Variants in CADM2 observed in about 807,000 individuals in gnomAD.
The protein encoded by CADM2 is immunoglobulin superfamily member 4D.
A neutral mutation model predicts 49.8 loss-of-function variants in CADM2; 12 were observed. The observed-to-expected ratio is 0.24, with a 90% confidence interval of 0.15 to 0.39. The LOEUF (loss-of-function observed/expected upper bound fraction) is 0.39. Among genes scored for constraint, CADM2 ranks in the 10% least tolerant of loss-of-function variants. The pLI is 1.00. For missense variants in CADM2, 378 were observed against 492.3 expected, an observed-to-expected ratio of 0.77 and a Z score of 2.20; for synonymous variants, 214 against 175.4, an observed-to-expected ratio of 1.22 and a Z score of -1.74.
chr3:85,611,321 CA>C (rs1213613059), intron 1 of CADM2, among the ~76,000 whole-genome samples: 3 of 151,526 alleles, frequency 2.0e-5, no homozygotes, highest in Non-Finnish European at 2.9e-5. Context: ...AATATGCCTC[CA>C]TTAATGGTAA....
intron 1 of CADM2, among the ~76,000 whole-genome samples, chr3:85,092,616 G>A (rs2037638799): frequency 6.6e-6 from 1 of 152,094 alleles, no homozygotes; most frequent in Non-Finnish European, 1.5e-5. Context: ...AATCAGTTTA[G>A]CCTCATCAGT....
intron 3 of CADM2, among the ~76,000 whole-genome samples, chr3:85,834,255 G>A (rs1204785971): frequency 6.6e-6 from 1 of 151,554 alleles, no homozygotes; most frequent in South Asian, 2.1e-4. Flanking sequence ...TATTCATAGT[G>A]TTATGTTACC....
At chr3:85,809,448 G>T (rs1293600016) in intron 3 of CADM2, among the ~76,000 whole-genome samples, 19 of 151,842 alleles carry the variant, frequency 1.3e-4, no homozygotes, top group Non-Finnish European at 2.9e-5. Flanking sequence ...AAAATTAGCT[G>T]GGTGTGGTGG....
Position 85,044,622 on chromosome 3 carries a change from T to C in CADM2, c.61+84954T>C, listed in dbSNP as rs568867633. ...GCCAAGTCTTTTCTGGGCTAAGATA[T>C]TGTACAATGTTTTTACCTTTTAGGA... On this transcript the variant is annotated intron_variant, in intron 1 of 9. Transcript: ENST00000383699. Among the ~76,000 whole-genome samples, 6 of 152,280 alleles carry C rather than the reference T, an allele frequency of 3.9e-5. No individual in the cohort carries two copies. In the South Asian group the frequency reaches 1.2e-3, roughly 32 times the overall value.
chr3:85,032,380 A>G (rs2035026553), intron 1 of CADM2, among the ~76,000 whole-genome samples: 1 of 152,204 alleles, frequency 6.6e-6, no homozygotes, highest in Non-Finnish European at 1.5e-5. Context: ...GTTATTGCAA[A>G]AGCACAGACA....
At chr3:85,292,754 A>G (rs80266159) in intron 1 of CADM2, among the ~76,000 whole-genome samples, 15,874 of 152,184 alleles carry the variant, frequency 0.1, 958 homozygotes, top group African/African-American at 0.17. Context: ...GAACAAAGAC[A>G]CAACATACCA....
At chr3:85,411,502 G>A (rs1264595501) in intron 1 of CADM2, among the ~76,000 whole-genome samples, 2 of 152,064 alleles carry the variant, frequency 1.3e-5, no homozygotes, top group South Asian at 2.1e-4. Flanking sequence ...GATTCTTTAC[G>A]GAGAAAGTGA....
At chr3:85,571,375 G>A (rs368025378) in intron 1 of CADM2, among the ~76,000 whole-genome samples, 43 of 150,970 alleles carry the variant, frequency 2.8e-4, no homozygotes, top group African/African-American at 9.7e-4. Context: ...AGAATCTTAT[G>A]CTTAGGAAAC....
chr3:85,450,745 A>G (rs1374108134), intron 1 of CADM2, among the ~76,000 whole-genome samples: 4 of 152,040 alleles, frequency 2.6e-5, no homozygotes, highest in Non-Finnish European at 5.9e-5. Flanking sequence ...ACCTTTATCA[A>G]AACTTTATAA....
intron 5 of CADM2, among the ~76,000 whole-genome samples, chr3:85,893,046 C>T (rs898230198): frequency 7.2e-5 from 11 of 152,108 alleles, no homozygotes; most frequent in African/African-American, 2.7e-4. Context: ...AAAGGTCATC[C>T]TTGCCATGCA....
At chr3:85,221,509 A>T (rs2042043839) in intron 1 of CADM2, among the ~76,000 whole-genome samples, 1 of 152,164 alleles carries the variant, frequency 6.6e-6, no homozygotes, top group Non-Finnish European at 1.5e-5. Flanking sequence ...TCTGAAAAAC[A>T]AACAAAAAAT....
intron 8 of CADM2, among the ~76,000 whole-genome samples, chr3:85,999,825 G>T (rs1729943980): frequency 6.6e-6 from 1 of 152,074 alleles, no homozygotes; most frequent in Admixed American, 6.5e-5. Context: ...TATAGAGAAA[G>T]TCACTGCATT....
intron 1 of CADM2, among the ~76,000 whole-genome samples, chr3:85,302,806 T>C (rs1390982694): frequency 6.6e-6 from 1 of 151,904 alleles, no homozygotes; most frequent in Non-Finnish European, 1.5e-5. Flanking sequence ...AATATAACAA[T>C]TGTATGTACA....
rs1713814481 is a variant in CADM2, at chr3:85,887,349, CTA to C, written c.529+1023_529+1024del. The stretch of plus-strand genomic sequence containing the variant: ...CCTCCTGCCTCAGCCTCCTAAAGTG[CTA>C]GGATTGCAGGTGTGAGCCACCATGC... On this transcript the variant is annotated intron_variant, in intron 5 of 9. Transcript: ENST00000383699. Among the ~76,000 whole-genome samples the C allele has an allele frequency of 2.0e-5, 3 of 152,116 alleles. 1 individual carries two copies.
intron 1 of CADM2, among the ~76,000 whole-genome samples, chr3:85,053,959 C>G (rs911183163): frequency 1.3e-5 from 2 of 151,850 alleles, no homozygotes; most frequent in Admixed American, 1.3e-4. Flanking sequence ...TTGCAAAGAA[C>G]CTTCTGTGAT....
chr3:85,030,317 T>A (rs1256826930), intron 1 of CADM2, among the ~76,000 whole-genome samples: 1 of 152,182 alleles, frequency 6.6e-6, no homozygotes, highest in Non-Finnish European at 1.5e-5. Flanking sequence ...GACCAGAAAT[T>A]TTCATTTATA....
At chr3:85,946,890 G>T (rs958706911) in intron 7 of CADM2, among the ~76,000 whole-genome samples, 1 of 152,054 alleles carries the variant, frequency 6.6e-6, no homozygotes, top group Non-Finnish European at 1.5e-5. Flanking sequence ...GCACATGCCA[G>T]GACTTCATGT....
intron 1 of CADM2, among the ~76,000 whole-genome samples, chr3:85,709,854 G>A (rs917535490): frequency 1.1e-4 from 17 of 152,080 alleles, no homozygotes; most frequent in Non-Finnish European, 2.1e-4. Context: ...CTTTGAAAAG[G>A]GGGTTTTATG....
At chr3:85,769,647 A>C (rs2069963664) in intron 2 of CADM2, among the ~76,000 whole-genome samples, 1 of 143,702 alleles carries the variant, frequency 7.0e-6, no homozygotes, top group African/African-American at 2.5e-5. Context: ...ATATATACAT[A>C]TATACATATA....
Sources: gnomAD v4.1 joint callset for allele counts (sites outside exome capture counted in the v4.1 genomes callset) on GRCh38, gnomAD v4.1.1 for gene constraint, MANE v1.5 for transcripts, NCBI Gene and HGNC (gene_info 2026-07-23, HGNC 2026-07-21) for gene names.